Variants in NRG1 observed in about 807,000 individuals in gnomAD.
The protein encoded by NRG1 is neuregulin 1.
A neutral mutation model predicts 63.8 loss-of-function variants in NRG1; 18 were observed. The observed-to-expected ratio is 0.28, with a 90% CI of 0.19 to 0.42. The LOEUF (loss-of-function observed/expected upper bound fraction) is 0.42. Ranked by LOEUF, NRG1 falls within the 10% of genes least tolerant of loss-of-function variation. The pLI is 1.00. For missense variants in NRG1, 762 were observed against 814.7 expected (o/e 0.94, Z 0.79); for synonymous variants, 302 against 301.3 (o/e 1.00, Z -0.02).
chr8:31,747,447 A>C (rs1015230416), intron 1 of NRG1, among the ~76,000 whole-genome samples: 1 of 151,982 alleles, frequency 6.6e-6, no homozygotes, highest in Non-Finnish European at 1.5e-5. Flanking sequence ...CAAATTCGGA[A>C]ATGGAAATTC....
intron 1 of NRG1, among the ~76,000 whole-genome samples, chr8:31,904,557 C>G (rs994962359): frequency 6.6e-6 from 1 of 152,114 alleles, no homozygotes; most frequent in East Asian, 1.9e-4. Context: ...AATCATTCTA[C>G]CATAAAGACA....
chr8:31,958,635 G>C (rs1005966598), intron 1 of NRG1, among the ~76,000 whole-genome samples: 1 of 152,204 alleles, frequency 6.6e-6, no homozygotes, highest in East Asian at 1.9e-4. Context: ...GACCACTTGA[G>C]TCATGAGGCT....
intron 1 of NRG1, among the ~76,000 whole-genome samples, chr8:32,580,891 A>G (rs1840525219): frequency 6.6e-6 from 1 of 152,190 alleles, no homozygotes; most frequent in African/African-American, 2.4e-5. Flanking sequence ...TTAGTTGGTT[A>G]TATACTGATT....
At chr8:32,174,624 A>G (rs1840479633) in intron 1 of NRG1, among the ~76,000 whole-genome samples, 1 of 152,180 alleles carries the variant, frequency 6.6e-6, no homozygotes, top group Non-Finnish European at 1.5e-5. Context: ...AATCAAATAG[A>G]TGCAATAAAA....
At chr8:31,672,625 T>C (rs1807270611) in intron 1 of NRG1, among the ~76,000 whole-genome samples, 1 of 152,034 alleles carries the variant, frequency 6.6e-6, no homozygotes, top group African/African-American at 2.4e-5. Context: ...AACTTAATAT[T>C]GGCTGAATAA....
At chr8:32,212,032 A>C (rs942163080) in intron 1 of NRG1, among the ~76,000 whole-genome samples, 7 of 152,182 alleles carry the variant, frequency 4.6e-5, no homozygotes, top group Non-Finnish European at 2.9e-5. Flanking sequence ...GGATTTAGTA[A>C]GCATTTTATC....
intron 1 of NRG1, among the ~76,000 whole-genome samples, chr8:32,345,786 A>G (rs1804805695): frequency 6.6e-6 from 1 of 152,054 alleles, no homozygotes; most frequent in East Asian, 1.9e-4. Context: ...CCTGACTAAC[A>G]TAGTGACAAA....
intron 5 of NRG1, among the ~76,000 whole-genome samples, chr8:32,727,443 G>A (rs775240582): frequency 1.3e-5 from 2 of 152,054 alleles, no homozygotes; most frequent in Non-Finnish European, 2.9e-5. Context: ...TTTTCATTTG[G>A]AACAAATAAG....
chr8:32,090,344 A>AT (rs1477243935), intron 1 of NRG1, among the ~76,000 whole-genome samples: 9 of 152,208 alleles, frequency 5.9e-5, no homozygotes, highest in African/African-American at 2.2e-4. Context: ...AAATTTTAAT[A>AT]TGTCTTAGGA....
At chr8:32,226,374 C>T (rs907871450) in intron 1 of NRG1, among the ~76,000 whole-genome samples, 4 of 152,038 alleles carry the variant, frequency 2.6e-5, no homozygotes, top group Non-Finnish European at 4.4e-5. Context: ...GCCAAGGGCT[C>T]GCTACGTATG....
intron 9 of NRG1, among the ~76,000 whole-genome samples, chr8:32,758,251 A>G (rs1830021589): frequency 6.6e-6 from 1 of 152,162 alleles, no homozygotes; most frequent in Admixed American, 6.6e-5. Flanking sequence ...TAATAGAAAC[A>G]GTAAAAACTA....
At chr8:31,896,666 CTTTCTAACAAG>C (rs1237810848) in intron 1 of NRG1, among the ~76,000 whole-genome samples, 5 of 152,196 alleles carry the variant, frequency 3.3e-5, no homozygotes, top group Non-Finnish European at 7.3e-5. Flanking sequence ...CTGAAGTTGC[CTTTCTAACAAG>C]TTTCCATGTG....
At chr8:32,459,915 C>T (rs1822103824) in intron 1 of NRG1, among the ~76,000 whole-genome samples, 1 of 152,218 alleles carries the variant, frequency 6.6e-6, no homozygotes, top group South Asian at 2.1e-4. Flanking sequence ...AAATACCACA[C>T]TCTCATAGAG....
chr8:32,346,050 ATTAATTC>A, intron 1 of NRG1, among the ~76,000 whole-genome samples: 1 of 148,018 alleles, frequency 6.8e-6, no homozygotes, highest in Admixed American at 6.8e-5. Flanking sequence ...TAAATTATAT[ATTAATTC>A]TATATTTTAT....
chr8:32,475,516 T>A (rs1416774624), intron 1 of NRG1, among the ~76,000 whole-genome samples: 6 of 151,628 alleles, frequency 4.0e-5, no homozygotes, highest in Non-Finnish European at 7.4e-5. Context: ...TTATTCTGAT[T>A]TCTGTGCATG....
chr8:32,064,511 A>G (rs1183871088), intron 1 of NRG1, among the ~76,000 whole-genome samples: 3 of 152,158 alleles, frequency 2.0e-5, no homozygotes, highest in Non-Finnish European at 4.4e-5. Context: ...GGAGGGATTC[A>G]GTTACCAGCA....
At chr8:32,003,247 A>G (rs1813234946) in intron 1 of NRG1, among the ~76,000 whole-genome samples, 1 of 152,106 alleles carries the variant, frequency 6.6e-6, no homozygotes, top group African/African-American at 2.4e-5. Flanking sequence ...AAATGACTAA[A>G]AAGAAGATTA....
chr8:32,143,243 T>C (rs6468086), intron 1 of NRG1, among the ~76,000 whole-genome samples: 2 of 151,018 alleles, frequency 1.3e-5, no homozygotes, highest in African/African-American at 4.9e-5. Context: ...GCTTTTTTTT[T>C]GGGGGGGGAA....
intron 9 of NRG1, among the ~76,000 whole-genome samples, 184 bp from the exon 10 acceptor site, chr8:32,759,122 C>T (rs1189154319): frequency 1.3e-5 from 2 of 151,890 alleles, no homozygotes; most frequent in African/African-American, 2.4e-5. Context: ...CTAAAAGCCA[C>T]AGTAGCCAGG....
Sources: gnomAD v4.1 joint callset for allele counts (sites outside exome capture counted in the v4.1 genomes callset) on GRCh38, gnomAD v4.1.1 for gene constraint, MANE v1.5 for transcripts, NCBI Gene and HGNC (gene_info 2026-07-23, HGNC 2026-07-21) for gene names.